The following ASPRV1 variants were observed in gnomAD, a reference collection of about 807,000 sequenced individuals.
The protein encoded by ASPRV1 is retroviral-like aspartic protease 1.
Under a neutral mutation model 11.0 loss-of-function variants are expected in ASPRV1, and 7 were observed. The observed-to-expected ratio is 0.64, with a 90% confidence interval of 0.36 to 1.20. The LOEUF (loss-of-function observed/expected upper bound fraction) is 1.20, where lower values mean the gene tolerates loss of function less well. Among genes scored for constraint, ASPRV1 ranks in the 50% most tolerant of loss-of-function variants. ASPRV1 has a pLI of 0.02. For missense variants in ASPRV1, 299 were observed against 320.0 expected (o/e 0.93, Z 0.50); for synonymous variants, 136 against 138.4 (o/e 0.98, Z 0.12).
the ASPRV1 span, among the ~76,000 whole-genome samples, chr2:70,024,614 CCTCCT>C: frequency 1.3e-5 from 2 of 152,138 alleles, no homozygotes; most frequent in Non-Finnish European, 2.9e-5. Context: ...TTCCTCCTTC[CCTCCT>C]CTCCTCACTT....
At chr2:70,078,962 T>C in the ASPRV1 span, among the ~76,000 whole-genome samples, 2 of 152,134 alleles carry the variant, frequency 1.3e-5, no homozygotes, top group Non-Finnish European at 2.9e-5. Flanking sequence ...TGGATATATC[T>C]TAAGGTGAAG....
chr2:70,012,439 C>G, the ASPRV1 span, among the ~76,000 whole-genome samples: 4 of 152,182 alleles, frequency 2.6e-5, no homozygotes, highest in Admixed American at 2.6e-4. Flanking sequence ...CAGGCGTGAG[C>G]CACCGCGCCC....
At chr2:70,060,790 C>T in the ASPRV1 span, among the ~76,000 whole-genome samples, 3 of 152,002 alleles carry the variant, frequency 2.0e-5, no homozygotes, top group African/African-American at 7.2e-5. Context: ...CACTCCAGCC[C>T]GGGCAACAAG....
chr2:70,065,334 T>C, the ASPRV1 span, among the ~76,000 whole-genome samples: 2 of 127,226 alleles, frequency 1.6e-5, no homozygotes, highest in African/African-American at 6.3e-5. Context: ...GAGCTTGCAA[T>C]GAGCCGAGAT....
the ASPRV1 span, among the ~76,000 whole-genome samples, chr2:70,052,182 G>C: frequency 6.6e-6 from 1 of 152,040 alleles, no homozygotes; most frequent in Non-Finnish European, 1.5e-5. Flanking sequence ...GAAGGGAAGA[G>C]AGATAGGGAA....
the ASPRV1 span, among the ~76,000 whole-genome samples, chr2:70,019,360 T>C: frequency 6.6e-6 from 1 of 152,174 alleles, no homozygotes; most frequent in Non-Finnish European, 1.5e-5. Flanking sequence ...TGGTGGTTCC[T>C]CAAAAATTTA....
At chr2:69,990,443 C>T in the ASPRV1 span, among the ~76,000 whole-genome samples, 1 of 151,996 alleles carries the variant, frequency 6.6e-6, no homozygotes, top group African/African-American at 2.4e-5. Flanking sequence ...CTCAGCCTCC[C>T]AAAGTGCTTG....
chr2:70,039,891 T>A, the ASPRV1 span, among the ~76,000 whole-genome samples: 1 of 152,070 alleles, frequency 6.6e-6, no homozygotes, highest in Non-Finnish European at 1.5e-5. Flanking sequence ...AGTGGGGGAA[T>A]AGAAAACAGT....
At chr2:69,995,142 T>C in the ASPRV1 span, among the ~76,000 whole-genome samples, 2 of 151,824 alleles carry the variant, frequency 1.3e-5, no homozygotes, top group South Asian at 2.1e-4. Flanking sequence ...TCCCAGCACT[T>C]TGGGAGGCCG....
chr2:69,964,425 T>C (rs1261198287), upstream of ASPRV1: 1 of 429,542 alleles, frequency 2.3e-6, no homozygotes, highest in East Asian at 7.1e-5. Context: ...AGTCTGTCTC[T>C]GGCTAGGATC....
chr2:69,980,566 C>T, the ASPRV1 span, among the ~76,000 whole-genome samples: 4 of 152,086 alleles, frequency 2.6e-5, no homozygotes, highest in African/African-American at 4.8e-5. Context: ...TATCCCAGAA[C>T]AGTAAAGGAC....
chr2:70,032,745 CT>C, the ASPRV1 span, among the ~76,000 whole-genome samples: 1 of 152,160 alleles, frequency 6.6e-6, no homozygotes, highest in Non-Finnish European at 1.5e-5. Context: ...CTCTTTACCC[CT>C]AATGATATAT....
the ASPRV1 span, among the ~76,000 whole-genome samples, chr2:69,977,852 A>T: frequency 2.0e-5 from 3 of 152,212 alleles, no homozygotes; most frequent in Non-Finnish European, 4.4e-5. Context: ...GAAGAAAAGG[A>T]GGTGACAAAG....
At chr2:70,008,812 G>A in the ASPRV1 span, among the ~76,000 whole-genome samples, 1 of 152,088 alleles carries the variant, frequency 6.6e-6, no homozygotes, top group Non-Finnish European at 1.5e-5. Flanking sequence ...CCAGCCTGGG[G>A]AGGACAGGGC....
chr2:70,085,388 T>C, the ASPRV1 span, among the ~76,000 whole-genome samples: 1 of 152,112 alleles, frequency 6.6e-6, no homozygotes, highest in South Asian at 2.1e-4. Flanking sequence ...GTAGCTCTTA[T>C]CAGGAAAAGC....
chr2:69,946,430 T>TCC, the ASPRV1 span, among the ~76,000 whole-genome samples: 1 of 152,196 alleles, frequency 6.6e-6, no homozygotes, highest in Non-Finnish European at 1.5e-5. Flanking sequence ...TGACCCGGTC[T>TCC]GTAGAGTGAG....
chr2:69,950,159 T>C, the ASPRV1 span, among the ~76,000 whole-genome samples: 3 of 152,170 alleles, frequency 2.0e-5, no homozygotes, highest in African/African-American at 7.2e-5. Context: ...AAGGTGCTGT[T>C]TAATAGTTAT....
At chr2:70,073,704 T>C in the ASPRV1 span, among the ~76,000 whole-genome samples, 2 of 152,208 alleles carry the variant, frequency 1.3e-5, no homozygotes, top group Middle Eastern at 6.8e-3. Context: ...AACCAAAGCA[T>C]TGCTGGCTGT....
chr2:70,034,912 C>T, the ASPRV1 span: 3 of 152,864 alleles, frequency 2.0e-5, no homozygotes, highest in Admixed American at 2.0e-4. Context: ...CAGGCAGGAC[C>T]AGGTGACAGG....
Sources: gnomAD v4.1 joint callset for allele counts (sites outside exome capture counted in the v4.1 genomes callset) on GRCh38, gnomAD v4.1.1 for gene constraint, MANE v1.5 for transcripts, NCBI Gene and HGNC (gene_info 2026-07-23, HGNC 2026-07-21) for gene names.